Variants in KIRREL3 observed in about 807,000 individuals in gnomAD.
KIRREL3 encodes kirre like nephrin family adhesion molecule 3.
Under a neutral mutation model 89.7 loss-of-function variants are expected in KIRREL3, and 36 were observed. The ratio of observed to expected loss-of-function variants is 0.40; its 90% CI spans 0.31 to 0.53. The LOEUF (loss-of-function observed/expected upper bound fraction) is 0.53. Ranked by LOEUF, KIRREL3 falls within the 20% of genes least tolerant of loss-of-function variation. The probability of loss-of-function intolerance (pLI) is 0.49; values close to 1 mark genes in which losing one functional copy is unlikely to be tolerated. For missense variants in KIRREL3, 864 were observed against 1,056.6 expected, an observed-to-expected ratio of 0.82 and a Z score of 2.53; for synonymous variants, 445 against 441.4, an observed-to-expected ratio of 1.01 and a Z score of -0.10.
chr11:126,923,115 TC>T (rs1479978715), intron 1 of KIRREL3, among the ~76,000 whole-genome samples: 6 of 65,004 alleles, frequency 9.2e-5, no homozygotes, highest in African/African-American at 6.2e-4. Flanking sequence ...CTTCTCCTTC[TC>T]CTTCTCCTTC....
Position 126,569,582 on chromosome 11 carries a change from A to G in KIRREL3, c.56-6670T>C, listed in dbSNP as rs933239374. ...TATAATCCAGTTGGCTATACAAGAC[A>G]TATACTTAAGAAAAGGTAACTAAAA... is the stretch of plus-strand genomic sequence containing the variant. On this transcript the variant is annotated intron_variant, in intron 1 of 16. Coordinates refer to ENST00000525144, the MANE Select transcript of KIRREL3 (RefSeq NM_032531.4). This position sits in a 1 kb window ranked among gnomAD's most constrained non-coding sequence, Gnocchi z 6.5. Among the ~76,000 whole-genome samples, 5 of 152,220 alleles carry G rather than the reference A, an allele frequency of 3.3e-5. No individual in the cohort carries two copies. Among genetic ancestry groups the G allele is most frequent in the African/African-American group, 1.2e-4 (5 of 41,456 alleles).
In KIRREL3 at chr11:126,643,546, G is replaced by C. The variant is rs927614771; in HGVS notation, c.56-80634C>G. Among the ~76,000 whole-genome samples, 8 of 152,140 alleles carry C rather than the reference G, an allele frequency of 5.3e-5. No homozygotes were observed. Among genetic ancestry groups the C allele is most frequent in the Admixed American group, 4.6e-4 (7 of 15,276 alleles). On this transcript the variant is annotated intron_variant, in intron 1 of 16. Transcript: ENST00000525144. This position sits in a 1 kb window ranked among gnomAD's most constrained non-coding sequence, Gnocchi z 4.5. ...TAGGACTGAAGATGTAGGCTGAGGC[G>C]ATATCATGGCAAATCTTTATCTCTA...
At chr11:126,693,704 C>T (rs564261244) in intron 1 of KIRREL3, among the ~76,000 whole-genome samples, 3 of 152,210 alleles carry the variant, frequency 2.0e-5, no homozygotes, top group Middle Eastern at 6.8e-3. Context: ...CCAGTGATAG[C>T]GTATGTAGCC....
chr11:126,944,048 C>T (rs11220670), intron 1 of KIRREL3, among the ~76,000 whole-genome samples: 2,945 of 152,160 alleles, frequency 0.019, 65 homozygotes, highest in East Asian at 0.12. Flanking sequence ...CCTCCCTACC[C>T]GGAAGAAAGG....
At chr11:126,865,514 A>G (rs1351151726) in intron 1 of KIRREL3, among the ~76,000 whole-genome samples, 3 of 152,230 alleles carry the variant, frequency 2.0e-5, no homozygotes, top group African/African-American at 7.2e-5. Context: ...CAGGGCCACC[A>G]CAGCAGAATC....
chr11:126,609,806 C>T lies in KIRREL3; in HGVS notation c.56-46894G>A, dbSNP rs559800932. On this transcript the variant is annotated intron_variant, in intron 1 of 16. Coordinates refer to ENST00000525144, the MANE Select transcript of KIRREL3 (RefSeq NM_032531.4). The surrounding 1 kb of genome is among the most constrained non-coding windows in gnomAD (Gnocchi z 5.0). ...TATACAGCAAAAGTTGAGAGCCACTCGCAGCTCCAGCACATTCTTACTGTG... is the reference window on the plus strand; with the variant it reads ...TATACAGCAAAAGTTGAGAGCCACTTGCAGCTCCAGCACATTCTTACTGTG... 3.3e-5 allele frequency among the ~76,000 whole-genome samples: 5 copies of T among 152,076 alleles called. No homozygotes were observed. Among genetic ancestry groups the T allele is most frequent in the African/African-American group, 9.7e-5 (4 of 41,406 alleles).
intron 1 of KIRREL3, among the ~76,000 whole-genome samples, chr11:126,907,315 T>G (rs1946627110): frequency 6.6e-6 from 1 of 152,128 alleles, no homozygotes; most frequent in South Asian, 2.1e-4. Context: ...TTTTATCAGA[T>G]CATGATCTGT....
chr11:126,846,395 G>A (rs906487609), intron 1 of KIRREL3, among the ~76,000 whole-genome samples: 5 of 152,080 alleles, frequency 3.3e-5, no homozygotes, highest in East Asian at 1.9e-4. Context: ...TAATTAATTC[G>A]TTTAAAAATA....
At chr11:126,738,756 A>T (rs1021511338) in intron 1 of KIRREL3, among the ~76,000 whole-genome samples, 3 of 152,164 alleles carry the variant, frequency 2.0e-5, no homozygotes, top group African/African-American at 7.2e-5. Context: ...GGCTAAAAGC[A>T]CCCAGAGAGA....
intron 1 of KIRREL3, among the ~76,000 whole-genome samples, chr11:126,818,618 AGTAGTAGTGTGTGT>A (rs1173376778): frequency 4.1e-5 from 3 of 72,924 alleles, no homozygotes; most frequent in Admixed American, 3.1e-4. Flanking sequence ...TAGTAGTAGT[AGTAGTAGTGTGTGT>A]GTGTGTGTGT....
rs1946724879 is a variant in KIRREL3 at position 126,909,524 on chromosome 11, G to T, written c.55+90931C>A. Among the ~76,000 whole-genome samples the T allele has an allele frequency of 6.6e-6, 1 of 152,138 alleles. No homozygotes were observed. Among genetic ancestry groups the T allele is most frequent in the South Asian group, 2.1e-4 (1 of 4,830 alleles). ...TGAGGATGAGAGAGTGCTCTGAGTT[G>T]AGATACACCGCCCACAATACACCCC... On this transcript the variant is annotated intron_variant, in intron 1 of 16. Transcript: ENST00000525144. The surrounding 1 kb of genome is among the most constrained non-coding windows in gnomAD (Gnocchi z 4.5).
Position 126,976,436 on chromosome 11 carries a change from G to A in KIRREL3, c.55+24019C>T, listed in dbSNP as rs1197991018. Among the ~76,000 whole-genome samples, 1 of 152,048 alleles carries A rather than the reference G, an allele frequency of 6.6e-6. No individual in the cohort carries two copies. Among genetic ancestry groups the A allele is most frequent in the Non-Finnish European group, 1.5e-5 (1 of 67,992 alleles). Reference sequence around the variant, plus strand: ...CAGATTTTTTTCTGGAGATTTATATGTTTACCTGTCCACTGTTTCTGAATC... The same window carrying A: ...CAGATTTTTTTCTGGAGATTTATATATTTACCTGTCCACTGTTTCTGAATC... On this transcript the variant is annotated intron_variant, in intron 1 of 16. Coordinates refer to ENST00000525144, the MANE Select transcript of KIRREL3 (RefSeq NM_032531.4). The surrounding 1 kb of genome is among the most constrained non-coding windows in gnomAD (Gnocchi z 4.2).
intron 1 of KIRREL3, among the ~76,000 whole-genome samples, chr11:126,962,182 T>C (rs1949110739): frequency 6.6e-6 from 1 of 152,184 alleles, no homozygotes; most frequent in African/African-American, 2.4e-5. Flanking sequence ...TAAAAATACA[T>C]TTTGTTGAGG....
Position 126,612,008 on chromosome 11 carries a change from G to C in KIRREL3, c.56-49096C>G, listed in dbSNP as rs1399340249. 6.6e-6 allele frequency among the ~76,000 whole-genome samples: 1 copy of C among 152,180 alleles called. No homozygotes were observed. Among genetic ancestry groups the C allele is most frequent in the Non-Finnish European group, 1.5e-5 (1 of 68,014 alleles). On this transcript the variant is annotated intron_variant, in intron 1 of 16. Coordinates refer to ENST00000525144, the MANE Select transcript of KIRREL3 (RefSeq NM_032531.4). This position sits in a 1 kb window ranked among gnomAD's most constrained non-coding sequence, Gnocchi z 4.5. The stretch of plus-strand genomic sequence containing the variant: ...TCAAGCAAGCCTCCCAGCCCAGTCA[G>C]CCCCTGTGCACTCTCATGTTACCTG...
intron 2 of KIRREL3, among the ~76,000 whole-genome samples, chr11:126,543,719 G>A (rs796726281): frequency 2.0e-5 from 3 of 152,312 alleles, no homozygotes; most frequent in African/African-American, 7.2e-5. Context: ...GTGCCCTTGG[G>A]GCTGAGATCA....
chr11:126,971,870 A>G (rs1231832984), intron 1 of KIRREL3, among the ~76,000 whole-genome samples: 1 of 152,210 alleles, frequency 6.6e-6, no homozygotes, highest in Non-Finnish European at 1.5e-5. Context: ...TGGTACAGAA[A>G]AGATGACAAG....
Position 126,430,725 on chromosome 11 carries a change from G to A in KIRREL3, c.1696+694C>T, listed in dbSNP as rs983601782. Among the ~76,000 whole-genome samples the A allele has an allele frequency of 6.6e-6, 1 of 152,142 alleles. No individual in the cohort carries two copies. The highest frequency in any genetic ancestry group is 1.5e-5 in the Non-Finnish European group (1 of 68,030). ...ATGTTAGTGCCAGATGGGGCCATCA[G>A]AGTCATATCCTCATTATAAATGAGG... On this transcript the variant is annotated intron_variant, in intron 14 of 16. Coordinates refer to ENST00000525144, the MANE Select transcript of KIRREL3 (RefSeq NM_032531.4). The surrounding 1 kb of genome is among the most constrained non-coding windows in gnomAD (Gnocchi z 6.6).
intron 1 of KIRREL3, among the ~76,000 whole-genome samples, chr11:126,695,559 C>G (rs1331461308): frequency 2.6e-5 from 4 of 152,200 alleles, no homozygotes; most frequent in African/African-American, 9.6e-5. Flanking sequence ...TCAGCAAATA[C>G]TTCTAGAGAC....
intron 1 of KIRREL3, among the ~76,000 whole-genome samples, chr11:126,926,002 G>A (rs1157790239): frequency 6.6e-6 from 1 of 152,194 alleles, no homozygotes; most frequent in Non-Finnish European, 1.5e-5. Flanking sequence ...TCAGTCATGG[G>A]CAGAGACACC....
Sources: allele counts gnomAD v4.1 joint callset (sites outside exome capture counted in the v4.1 genomes callset), GRCh38; gene constraint gnomAD v4.1.1; non-coding constraint Gnocchi (gnomAD v3.1); transcripts MANE v1.5; gene names NCBI Gene and HGNC (gene_info 2026-07-23, HGNC 2026-07-21).